MTCL2: variants seen among roughly 807,000 people sequenced by gnomAD.
MTCL2 encodes microtubule cross-linking factor 2.
the MTCL2 span, among the ~76,000 whole-genome samples, chr20:36,827,357 CT>C: frequency 5.6e-3 from 646 of 116,348 alleles, no homozygotes; most frequent in African/African-American, 0.011. Context: ...CTGGACCCCC[CT>C]TTTTTTTTTT....
At chr20:36,846,173 T>A in the MTCL2 span, among the ~76,000 whole-genome samples, 2 of 149,502 alleles carry the variant, frequency 1.3e-5, no homozygotes, top group Non-Finnish European at 3.0e-5. Flanking sequence ...ACCACTGCAC[T>A]CCGGCCTGGG....
At chr20:36,793,211 C>T in the MTCL2 span, 1 of 1,524,042 alleles carries the variant, frequency 6.6e-7, no homozygotes, top group Non-Finnish European at 8.8e-7. This position sits in a 1 kb window ranked among gnomAD's most constrained non-coding sequence, Gnocchi z 6.8. Context: ...TATACTAACT[C>T]CACCTACTAA....
the MTCL2 span, among the ~76,000 whole-genome samples, chr20:36,858,915 T>G: frequency 6.6e-6 from 1 of 152,090 alleles, no homozygotes; most frequent in South Asian, 2.1e-4. Flanking sequence ...CTCAGCCTCC[T>G]GAGTAGCTGG....
the MTCL2 span, among the ~76,000 whole-genome samples, chr20:36,848,317 C>T: frequency 6.6e-5 from 10 of 152,322 alleles, no homozygotes; most frequent in East Asian, 1.9e-3. Flanking sequence ...AAACCATGAG[C>T]TCAGCCTGCA....
At chr20:36,859,071 G>GT in the MTCL2 span, among the ~76,000 whole-genome samples, 1 of 152,208 alleles carries the variant, frequency 6.6e-6, no homozygotes, top group African/African-American at 2.4e-5. Flanking sequence ...GATTACAGGC[G>GT]TGAGTCACTG....
chr20:36,857,417 C>T, the MTCL2 span, among the ~76,000 whole-genome samples: 1 of 152,088 alleles, frequency 6.6e-6, no homozygotes, highest in Non-Finnish European at 1.5e-5. Flanking sequence ...TCTAATCTGT[C>T]TGGAGGCGTG....
the MTCL2 span, among the ~76,000 whole-genome samples, chr20:36,854,017 G>T: frequency 6.6e-6 from 1 of 152,154 alleles, no homozygotes; most frequent in East Asian, 1.9e-4. Flanking sequence ...CAGAGCAGGG[G>T]TCTGAGGTCT....
At chr20:36,804,962 G>T in the MTCL2 span, 4 of 1,576,990 alleles carry the variant, frequency 2.5e-6, no homozygotes, top group Admixed American at 5.1e-5. Context: ...GGGGAACCTG[G>T]GTTCAGAGAA....
the MTCL2 span, among the ~76,000 whole-genome samples, chr20:36,829,772 T>A: frequency 6.6e-6 from 1 of 151,544 alleles, no homozygotes; most frequent in African/African-American, 2.4e-5. Flanking sequence ...TCGAGACAGG[T>A]GGATCACCTC....
At chr20:36,815,710 G>A in the MTCL2 span, 1 of 1,601,772 alleles carries the variant, frequency 6.2e-7, no homozygotes, top group Non-Finnish European at 8.5e-7. This position sits in a 1 kb window ranked among gnomAD's most constrained non-coding sequence, Gnocchi z 5.3. Context: ...CCGATCTGCA[G>A]CTTGGCGGCC....
At chr20:36,789,464 C>T in the MTCL2 span, among the ~76,000 whole-genome samples, 2 of 152,038 alleles carry the variant, frequency 1.3e-5, no homozygotes, top group East Asian at 3.9e-4. Context: ...CAGTTCGAGA[C>T]CAGCCTGGCC....
At chr20:36,800,935 T>C in the MTCL2 span, among the ~76,000 whole-genome samples, 1 of 152,222 alleles carries the variant, frequency 6.6e-6, no homozygotes, top group Non-Finnish European at 1.5e-5. Flanking sequence ...TAAATGCATA[T>C]GCCCTTGGAT....
At chr20:36,811,888 T>A in the MTCL2 span, among the ~76,000 whole-genome samples, 2 of 152,160 alleles carry the variant, frequency 1.3e-5, no homozygotes, top group African/African-American at 4.8e-5. Flanking sequence ...GTTCAGGGTT[T>A]CAGGGATACT....
chr20:36,792,469 C>T, the MTCL2 span, among the ~76,000 whole-genome samples: 1 of 151,890 alleles, frequency 6.6e-6, no homozygotes, highest in Non-Finnish European at 1.5e-5. Context: ...TGAGTCATTG[C>T]ACTCAAGCCT....
chr20:36,834,175 A>G, the MTCL2 span, among the ~76,000 whole-genome samples: 1 of 151,892 alleles, frequency 6.6e-6, no homozygotes, highest in African/African-American at 2.4e-5. Flanking sequence ...AAAAAAAAAA[A>G]AAAAGAAAAA....
chr20:36,857,085 GTGCC>G, the MTCL2 span, among the ~76,000 whole-genome samples: 2 of 152,320 alleles, frequency 1.3e-5, no homozygotes, highest in South Asian at 4.1e-4. Context: ...TGGTGAGCTT[GTGCC>G]TGGGCCAGCC....
the MTCL2 span, chr20:36,793,204 A>G: frequency 2.6e-6 from 4 of 1,514,844 alleles, no homozygotes; most frequent in Non-Finnish European, 2.7e-6. The surrounding 1 kb of genome is among the most constrained non-coding windows in gnomAD (Gnocchi z 6.8). Flanking sequence ...GACCTTATAT[A>G]CTAACTCCAC....
the MTCL2 span, among the ~76,000 whole-genome samples, chr20:36,836,340 AATTTT>A: frequency 2.3e-5 from 3 of 129,770 alleles, no homozygotes; most frequent in Non-Finnish European, 4.8e-5. Flanking sequence ...ACGCCCAGCT[AATTTT>A]TTTTTTTTTT....
the MTCL2 span, chr20:36,794,069 G>A: frequency 2.4e-5 from 37 of 1,551,280 alleles, no homozygotes. This position sits in a 1 kb window ranked among gnomAD's most constrained non-coding sequence, Gnocchi z 5.4. Flanking sequence ...CATGTTGCCT[G>A]ACATCTCAAA....
Sources: gnomAD v4.1 joint callset for allele counts (sites outside exome capture counted in the v4.1 genomes callset) on GRCh38, gnomAD v4.1.1 for gene constraint, Gnocchi (gnomAD v3.1) non-coding constraint, MANE v1.5 for transcripts, NCBI Gene and HGNC (gene_info 2026-07-23, HGNC 2026-07-21) for gene names.